The following PTPRD variants were observed in gnomAD, a reference collection of about 807,000 sequenced individuals.
The protein encoded by PTPRD is receptor-type tyrosine-protein phosphatase delta.
PTPRD carries 34 observed loss-of-function variants against 214.5 expected under a neutral mutation model. The ratio of observed to expected loss-of-function variants is 0.16; its 90% confidence interval spans 0.12 to 0.21. The LOEUF (loss-of-function observed/expected upper bound fraction) is 0.21, where lower values mean the gene tolerates loss of function less well. Ranked by LOEUF, PTPRD falls within the 10% of genes least tolerant of loss-of-function variation. The pLI is 1.00. For synonymous variants in PTPRD, 1,128 were observed against 845.7 expected (o/e 1.33, Z -5.79); for missense variants, 2,545 against 2,398.7 (o/e 1.06, Z -1.27).
chr9:8,832,942 A>G (rs1016050709), intron 11 of PTPRD, among the ~76,000 whole-genome samples: 1 of 152,120 alleles, frequency 6.6e-6, no homozygotes, highest in Non-Finnish European at 1.5e-5. Context: ...CATAAATTTA[A>G]TATCTACTCT....
chr9:10,009,563 C>T (rs2096555619), intron 4 of PTPRD, among the ~76,000 whole-genome samples: 1 of 151,806 alleles, frequency 6.6e-6, no homozygotes, highest in African/African-American at 2.4e-5. Context: ...CCAAGGTTCT[C>T]ATTATGTAGA....
chr9:10,573,754 A>T (rs2132066163), intron 2 of PTPRD, among the ~76,000 whole-genome samples: 1 of 152,276 alleles, frequency 6.6e-6, no homozygotes, highest in African/African-American at 2.4e-5. Flanking sequence ...AAAAATAATA[A>T]ATAAGAAAAT....
chr9:9,712,798 A>G (rs1035900214), intron 7 of PTPRD, among the ~76,000 whole-genome samples: 3 of 152,218 alleles, frequency 2.0e-5, no homozygotes, highest in Non-Finnish European at 4.4e-5. Context: ...AAATGCCTTA[A>G]AAGTAGTTTA....
intron 9 of PTPRD, among the ~76,000 whole-genome samples, chr9:9,281,150 T>C (rs946662831): frequency 6.6e-6 from 1 of 151,230 alleles, no homozygotes; most frequent in African/African-American, 2.4e-5. Context: ...CAGAACTGTA[T>C]AATGAGTAGA....
At chr9:8,509,593 C>A (rs1325845750) in intron 21 of PTPRD, among the ~76,000 whole-genome samples, 3 of 152,138 alleles carry the variant, frequency 2.0e-5, no homozygotes, top group African/African-American at 7.2e-5. Flanking sequence ...TTCTTCCCTG[C>A]CTAATGCTAA....
intron 11 of PTPRD, among the ~76,000 whole-genome samples, chr9:8,956,248 A>AATAAAGTCTATC (rs760394786): frequency 1.6e-4 from 25 of 151,870 alleles, no homozygotes; most frequent in Non-Finnish European, 3.4e-4. Context: ...AACAGCCATG[A>AATAAAGTCTATC]ATAAAGTCTA....
intron 3 of PTPRD, among the ~76,000 whole-genome samples, chr9:10,252,370 G>A (rs10756017): frequency 0.57 from 86,762 of 151,896 alleles, 26,869 homozygotes; most frequent in East Asian, 0.7. Context: ...CAGGCCACAA[G>A]TAGAGGTTAT....
intron 3 of PTPRD, among the ~76,000 whole-genome samples, chr9:10,278,910 G>T (rs1485028014): frequency 6.6e-6 from 1 of 152,034 alleles, no homozygotes; most frequent in East Asian, 1.9e-4. Context: ...GAGTAGCTGG[G>T]ACTACAGGCA....
chr9:10,559,304 C>T (rs750441138), intron 2 of PTPRD, among the ~76,000 whole-genome samples: 7 of 152,062 alleles, frequency 4.6e-5, no homozygotes, highest in South Asian at 2.1e-4. Flanking sequence ...TGTATACAGA[C>T]TTGCAATATT....
chr9:8,408,623 C>T (rs920096144), intron 35 of PTPRD, among the ~76,000 whole-genome samples: 18 of 152,132 alleles, frequency 1.2e-4, no homozygotes, highest in South Asian at 4.1e-4. Context: ...AATGCTACTT[C>T]GTCGTATTTT....
At chr9:10,124,663 T>A (rs1377444931) in intron 3 of PTPRD, among the ~76,000 whole-genome samples, 1 of 152,216 alleles carries the variant, frequency 6.6e-6, no homozygotes, top group African/African-American at 2.4e-5. Flanking sequence ...TTTTTAAGTA[T>A]GTTATTAATA....
At chr9:10,486,326 AG>A (rs1305701121) in intron 2 of PTPRD, among the ~76,000 whole-genome samples, 1 of 152,152 alleles carries the variant, frequency 6.6e-6, no homozygotes, top group Non-Finnish European at 1.5e-5. Flanking sequence ...TTTACCTTTA[AG>A]TCTTTAATCC....
chr9:8,736,331 G>T (rs2090376545), intron 11 of PTPRD, among the ~76,000 whole-genome samples: 2 of 152,098 alleles, frequency 1.3e-5, no homozygotes, highest in South Asian at 4.1e-4. Flanking sequence ...AATAAAGAGA[G>T]TAGATCACAT....
At chr9:10,236,132 C>A (rs1290869343) in intron 3 of PTPRD, among the ~76,000 whole-genome samples, 1 of 151,890 alleles carries the variant, frequency 6.6e-6, no homozygotes, top group Non-Finnish European at 1.5e-5. Context: ...AATTTCACGT[C>A]CTAACCTCTG....
intron 10 of PTPRD, chr9:9,091,249 G>C: frequency 8.1e-7 from 1 of 1,241,918 alleles, no homozygotes; most frequent in Non-Finnish European, 1.2e-6. Context: ...CATGTAAGGA[G>C]CTGAGTTCTT....
At chr9:9,884,638 A>G (rs1600858387) in intron 5 of PTPRD, among the ~76,000 whole-genome samples, 2 of 152,214 alleles carry the variant, frequency 1.3e-5, no homozygotes, top group Middle Eastern at 6.8e-3. Context: ...ACCAAATCTC[A>G]TTTTGAGTTA....
intron 7 of PTPRD, among the ~76,000 whole-genome samples, chr9:9,629,864 T>C (rs967807876): frequency 8.5e-4 from 127 of 149,198 alleles, no homozygotes; most frequent in African/African-American, 3.2e-3. Context: ...AGTGGATGTC[T>C]GCTTAAGCAG....
chr9:9,371,839 C>G (rs969519963), intron 9 of PTPRD, among the ~76,000 whole-genome samples: 5 of 152,114 alleles, frequency 3.3e-5, no homozygotes, highest in Non-Finnish European at 7.4e-5. Context: ...TTTCAAAGAA[C>G]ATCTTTATTT....
intron 10 of PTPRD, among the ~76,000 whole-genome samples, chr9:9,021,056 T>C (rs2099568124): frequency 6.6e-6 from 1 of 152,182 alleles, no homozygotes; most frequent in African/African-American, 2.4e-5. Context: ...GTGCTGCCAA[T>C]TTAACCTTTA....
Sources: allele counts gnomAD v4.1 joint callset (sites outside exome capture counted in the v4.1 genomes callset), GRCh38; gene constraint gnomAD v4.1.1; transcripts MANE v1.5; gene names NCBI Gene and HGNC (gene_info 2026-07-23, HGNC 2026-07-21).